Variants in SUSD2 observed in about 807,000 individuals in gnomAD.
The protein encoded by SUSD2 is sushi domain-containing protein 2.
A neutral mutation model predicts 93.8 loss-of-function variants in SUSD2; 86 were observed. The ratio of observed to expected loss-of-function variants is 0.92; its 90% confidence interval spans 0.77 to 1.10. The LOEUF (loss-of-function observed/expected upper bound fraction) is 1.10, where lower values mean the gene tolerates loss of function less well. SUSD2 is among the 50% of genes least tolerant of loss of function. The pLI, the probability that SUSD2 is intolerant of heterozygous loss-of-function variation, is 0.00. For missense variants in SUSD2, 1,060 were observed against 1,137.0 expected (o/e 0.93, Z 0.97); for synonymous variants, 483 against 485.0 (o/e 1.00, Z 0.05).
At position 24,181,596 on chromosome 22, in the gene SUSD2, G is replaced by A; in HGVS notation, c.76+1G>A. On this transcript the variant is annotated splice_donor_variant, in intron 1 of 14. Coordinates refer to ENST00000358321, the MANE Select transcript of SUSD2 (RefSeq NM_019601.4). LOFTEE classifies it high-confidence loss of function. ...GGCCCGGGCCCCGGACCCACAGCAG[G>A]TATGCCTCCCTGCCCTTCTGTGTCC... The A allele has an allele frequency of 1.9e-6, 3 of 1,595,148 alleles. No homozygotes were observed. The highest frequency in any genetic ancestry group is 2.3e-5 in the South Asian group (2 of 88,066).
chr22:24,186,921 G>A (rs749863137), intron 10 of SUSD2: 12 of 537,934 alleles, frequency 2.2e-5, no homozygotes, highest in African/African-American at 5.7e-5. Context: ...GCCCAGGCAG[G>A]TGTGGCTGCT....
intron 8 of SUSD2, 26 bp from the exon 9 acceptor site, chr22:24,185,990 C>G (rs374318401): frequency 2.5e-6 from 4 of 1,589,506 alleles, no homozygotes; most frequent in Middle Eastern, 1.7e-4. Context: ...GGTGCACCCC[C>G]ACGTGACCCT....
At chr22:24,187,081 TC>T in intron 10 of SUSD2, 120 bp from the exon 11 acceptor site, 1 of 1,361,148 alleles carries the variant, frequency 7.3e-7, no homozygotes, top group South Asian at 1.3e-5. Context: ...GGGAACGCCC[TC>T]CCTTCCCCTG....
rs150279030 is a variant in SUSD2, at chr22:24,184,797, G to A, written c.639G>A (p.Lys213=). 1.2e-5 allele frequency: 20 copies of A among 1,609,234 alleles called. No individual in the cohort carries two copies. The highest frequency in any genetic ancestry group is 5.3e-5 in the African/African-American group (4 of 74,784). Residue 213 remains lysine (K), a synonymous_variant, in exon 5 of 15, where the codon AAG becomes AAA. Transcript: ENST00000358321. The stretch of plus-strand genomic sequence containing the variant: ...CCTACTCACAGGAGTGGACTGCAAA[G>A]TGGTCGTACCTGTACCCCCTGGCCA... ...GMPYSQEWTA[K]WSYLYPLATH...
At position 24,188,306 on chromosome 22, in the gene SUSD2, T is replaced by A. The variant is rs752475977; in HGVS notation, c.2423T>A (p.Leu808Gln). ...GCGGTTGCGCTCGTCTATGTGCTGC[T>A]GCGCCGCAGGAAGGGCAACACGTGA... ...VAAVALVYVLLRRRKGNTHVW... is the reference protein window; with the variant it reads ...VAAVALVYVLQRRRKGNTHVW... Residue 808 changes from leucine (L) to glutamine (Q), a missense_variant, in exon 14 of 15, where the codon CTG becomes CAG. Leu to Gln is a moderately radical substitution (Grantham distance 113). Transcript: ENST00000358321. The surrounding 1 kb of genome is among the most constrained non-coding windows in gnomAD (Gnocchi z 4.7). 10 of 1,606,180 alleles carry A rather than the reference T, an allele frequency of 6.2e-6. No homozygotes were observed. In the South Asian group the frequency reaches 8.8e-5, roughly 14 times the overall value.
At position 24,185,761 on chromosome 22, in the gene SUSD2, G is replaced by A; in HGVS notation, c.1171G>A (p.Asp391Asn). 6.2e-7 allele frequency: 1 copy of A among 1,609,780 alleles called. No homozygotes were observed. ...CGGCAGCACTCCCGACCGCGGCCAT[G>A]ACTGGGGCGCACCCCCGTTCCGCAC... is the stretch of plus-strand genomic sequence containing the variant. ...SGGSTPDRGH[D>N]WGAPPFRTPP... Residue 391 changes from aspartate to asparagine, a missense_variant, in exon 8 of 15, where the codon GAC (aspartate) becomes AAC (asparagine). Physicochemically the swap from Asp to Asn is conservative, Grantham distance 23. Transcript: ENST00000358321.
At position 24,186,023 on chromosome 22, in the gene SUSD2, C is replaced by T. The variant is rs1262458062; in HGVS notation, c.1347C>T (p.Ala449=). ...RNYRPPRLAS[A]FGDPHFVTFD... Reference sequence around the variant, plus strand: ...CCTCCACTCTCACCCTAGCCTCCGCCTTCGGAGACCCACACTTTGTGACCT... The same window carrying T: ...CCTCCACTCTCACCCTAGCCTCCGCTTTCGGAGACCCACACTTTGTGACCT... Residue 449 remains alanine (A), a synonymous_variant, in exon 9 of 15, where the codon GCC becomes GCT. Coordinates refer to ENST00000358321, the MANE Select transcript of SUSD2 (RefSeq NM_019601.4). The T allele has an allele frequency of 6.2e-7, 1 of 1,608,804 alleles. No individual in the cohort carries two copies. The highest frequency in any genetic ancestry group is 1.7e-4 in the Middle Eastern group (1 of 6,050).
chr22:24,185,284 G>C lies in SUSD2; in HGVS notation c.973G>C (p.Gly325Arg). 4 of 1,603,964 alleles carry C rather than the reference G, an allele frequency of 2.5e-6. No homozygotes were observed. Among genetic ancestry groups the C allele is most frequent in the Non-Finnish European group, 3.4e-6 (4 of 1,179,696 alleles). ...CTLTQARADS[G>R]RFFTDYGCDM... ...CCTGACCCAGGCCCGGGCTGACTCC[G>C]GCCGCTTCTTCGTGAGCCTCCCATC... Residue 325 changes from glycine to arginine, a missense_variant, in exon 6 of 15, where the codon GGC becomes CGC. Physicochemically the swap from Gly to Arg is moderately radical, Grantham distance 125. Coordinates refer to ENST00000358321, the MANE Select transcript of SUSD2 (RefSeq NM_019601.4).
intron 10 of SUSD2, 103 bp from the exon 11 acceptor site, chr22:24,187,099 C>A: frequency 6.8e-7 from 1 of 1,472,742 alleles, no homozygotes; most frequent in Non-Finnish European, 9.1e-7. Context: ...CCTGCAGGTG[C>A]CCTCACCCAC....
chr22:24,183,371 A>G, intron 2 of SUSD2, 104 bp downstream of exon 2: 1 of 1,528,848 alleles, frequency 6.5e-7, no homozygotes. Flanking sequence ...CCTCGGACCC[A>G]GGACAGGCAG....
At chr22:24,182,153 G>A (rs2047329479) in intron 1 of SUSD2, among the ~76,000 whole-genome samples, 1 of 152,210 alleles carries the variant, frequency 6.6e-6, no homozygotes, top group Admixed American at 6.5e-5. Context: ...GGGCCAGCGG[G>A]GTGGCTCAGG....
At position 24,181,499 on chromosome 22, in the gene SUSD2, G is replaced by T; in HGVS notation, c.-21G>T. ...TCGCCTCGGAGCCACTGCACTGCTG[G>T]CTGCAGACACAGGCTGCACCATGAA... On this transcript the variant is annotated 5_prime_UTR_variant, in exon 1 of 15. Transcript: ENST00000358321. The T allele has an allele frequency of 6.5e-7, 1 of 1,547,586 alleles. No homozygotes were observed. The highest frequency in any genetic ancestry group is 1.8e-5 in the Admixed American group (1 of 54,276).
chr22:24,181,892 A>G (rs991187698), intron 1 of SUSD2, among the ~76,000 whole-genome samples: 1 of 152,194 alleles, frequency 6.6e-6, no homozygotes, highest in African/African-American at 2.4e-5. Context: ...AGGGGGAGCC[A>G]GGATTGTGGG....
chr22:24,183,747 G>A, intron 3 of SUSD2, 101 bp downstream of exon 3: 1 of 1,348,964 alleles, frequency 7.4e-7, no homozygotes, highest in South Asian at 1.4e-5. Flanking sequence ...TGCCTCTCTG[G>A]CTGAACCAGT....
Position 24,185,078 on chromosome 22 carries a change from A to G in SUSD2, c.783-16A>G. The stretch of plus-strand genomic sequence containing the variant: ...TGGTGTGGGCTGGCCCAGCTCCAGC[A>G]TCATCACCTCCACAGGGACGTGCAG... On this transcript the variant is annotated splice_polypyrimidine_tract_variant and intron_variant, in intron 5 of 14. Transcript: ENST00000358321. 1.9e-6 allele frequency: 3 copies of G among 1,612,754 alleles called. No homozygotes were observed. Among genetic ancestry groups the G allele is most frequent in the Non-Finnish European group, 2.5e-6 (3 of 1,179,720 alleles).
At position 24,186,433 on chromosome 22, in the gene SUSD2, G is replaced by A. The variant is rs749689863; in HGVS notation, c.1642+18G>A. 8.7e-6 allele frequency: 14 copies of A among 1,610,750 alleles called. No individual in the cohort carries two copies. The highest frequency in any genetic ancestry group is 6.7e-5 in the Admixed American group (4 of 59,904). ...CCTGAAAGGTGAGCAGTCCAGCCACGCGAGGCTGCGGGCTGCCCTCACCTC... is the reference window on the plus strand; with the variant it reads ...CCTGAAAGGTGAGCAGTCCAGCCACACGAGGCTGCGGGCTGCCCTCACCTC... On this transcript the variant is annotated intron_variant, in intron 10 of 14. Coordinates refer to ENST00000358321, the MANE Select transcript of SUSD2 (RefSeq NM_019601.4).
Position 24,185,868 on chromosome 22 carries a change from C to T in SUSD2, c.1278C>T (p.Cys426=). The T allele has an allele frequency of 1.3e-6, 2 of 1,595,360 alleles. No individual in the cohort carries two copies. The highest frequency in any genetic ancestry group is 1.1e-5 in the South Asian group (1 of 89,148). Residue 426 remains cysteine, a synonymous_variant, in exon 8 of 15, where the codon TGC becomes TGT. Transcript: ENST00000358321. Reference sequence around the variant, plus strand: ...ACTGCTGCCTCTGGGCACCCGACTGCCCCCGCTACATGCAACGGCGGCCCT... The same window carrying T: ...ACTGCTGCCTCTGGGCACCCGACTGTCCCCGCTACATGCAACGGCGGCCCT... ...FYYCCLWAPD[C]PRYMQRRPSN...
At chr22:24,181,756 G>A (rs902384750) in intron 1 of SUSD2, among the ~76,000 whole-genome samples, 161 bp downstream of exon 1, 5 of 152,212 alleles carry the variant, frequency 3.3e-5, no homozygotes, top group Admixed American at 3.3e-4. Flanking sequence ...ATGTGGAGGG[G>A]CAGCCCATGG....
chr22:24,186,425 C>G lies in SUSD2; in HGVS notation c.1642+10C>G, dbSNP rs370154259. 6.2e-7 allele frequency: 1 copy of G among 1,612,248 alleles called. No homozygotes were observed. Among genetic ancestry groups the G allele is most frequent in the Non-Finnish European group, 8.5e-7 (1 of 1,179,668 alleles). ...TGGATGGACCTGAAAGGTGAGCAGTCCAGCCACGCGAGGCTGCGGGCTGCC... is the reference window on the plus strand; with the variant it reads ...TGGATGGACCTGAAAGGTGAGCAGTGCAGCCACGCGAGGCTGCGGGCTGCC... On this transcript the variant is annotated intron_variant, in intron 10 of 14. Transcript: ENST00000358321.
Sources: gnomAD v4.1 joint callset for allele counts (sites outside exome capture counted in the v4.1 genomes callset) on GRCh38, gnomAD v4.1.1 for gene constraint, Gnocchi (gnomAD v3.1) non-coding constraint, MANE v1.5 for transcripts, NCBI Gene and HGNC (gene_info 2026-07-23, HGNC 2026-07-21) for gene names.